Variants in DGKD observed in about 807,000 individuals in gnomAD.
DGKD encodes DAG kinase delta.
In DGKD, 68 loss-of-function variants were observed where a neutral mutation model predicts 154.4. The ratio of observed to expected loss-of-function variants is 0.44; its 90% CI spans 0.36 to 0.54. The LOEUF (loss-of-function observed/expected upper bound fraction) is 0.54. Ranked by LOEUF, DGKD falls within the 20% of genes least tolerant of loss-of-function variation. The pLI is 0.00. For missense variants in DGKD, 1,343 were observed against 1,593.6 expected (o/e 0.84, Z 2.68); for synonymous variants, 693 against 638.0 (o/e 1.09, Z -1.30).
chr2:233,421,932 A>T (rs1239741895), intron 3 of DGKD, among the ~76,000 whole-genome samples: 1 of 152,268 alleles, frequency 6.6e-6, no homozygotes, highest in Non-Finnish European at 1.5e-5. Flanking sequence ...TGATGAAGAT[A>T]GCACAGGAGA....
intron 3 of DGKD, among the ~76,000 whole-genome samples, chr2:233,397,814 G>A (rs2061457028): frequency 6.6e-6 from 1 of 151,972 alleles, no homozygotes; most frequent in South Asian, 2.1e-4. Context: ...CTAGGGGGCA[G>A]TGGGCAGGCT....
intron 2 of DGKD, chr2:233,389,120 C>G (rs1294157948): frequency 2.0e-5 from 3 of 152,350 alleles, no homozygotes; most frequent in Non-Finnish European, 4.4e-5. Flanking sequence ...CCGCCTTGGC[C>G]TCCCAAGGTG....
At chr2:233,380,811 C>T (rs766742230) in intron 1 of DGKD, among the ~76,000 whole-genome samples, 6 of 152,238 alleles carry the variant, frequency 3.9e-5, no homozygotes, top group Middle Eastern at 3.4e-3. Flanking sequence ...GCATACACAT[C>T]GTTGCCACTT....
chr2:233,462,145 GC>G (rs904241728), intron 24 of DGKD, among the ~76,000 whole-genome samples: 1 of 152,214 alleles, frequency 6.6e-6, no homozygotes, highest in Non-Finnish European at 1.5e-5. Flanking sequence ...TCTCGTGGAA[GC>G]CCTCCCATTT....
At position 233,469,427 on chromosome 2, in the gene DGKD, G is replaced by A; in HGVS notation, c.3612G>A (p.Glu1204=). ...AGAGGATCCTGTGTGGCATCAAGGAGCTGAGCCGCAGCGCCCCCGCCGTCG... is the reference window on the plus strand; with the variant it reads ...AGAGGATCCTGTGTGGCATCAAGGAACTGAGCCGCAGCGCCCCCGCCGTCG... ...HMKRILCGIK[E]LSRSAPAVEA The change falls in exon 30 of 30, where the codon GAG becomes GAA. Residue 1204 remains glutamate, a synonymous_variant. Transcript: ENST00000264057. The A allele has an allele frequency of 6.2e-7, 1 of 1,608,248 alleles. No homozygotes were observed. The highest frequency in any genetic ancestry group is 1.1e-5 in the South Asian group (1 of 89,950).
At position 233,388,379 on chromosome 2, in the gene DGKD, T is replaced by C. The variant is rs1703331379; in HGVS notation, c.267+12T>C. Reference sequence around the variant, plus strand: ...CCAAAACGGCAAAGGTGAGGCCCCATGCAGGAAAGCACACGCGAGGACATC... The same window carrying C: ...CCAAAACGGCAAAGGTGAGGCCCCACGCAGGAAAGCACACGCGAGGACATC... On this transcript the variant is annotated intron_variant, in intron 2 of 29. Coordinates refer to ENST00000264057, the MANE Select transcript of DGKD (RefSeq NM_152879.3). 2 of 1,609,544 alleles carry C rather than the reference T, an allele frequency of 1.2e-6. No homozygotes were observed. The highest frequency in any genetic ancestry group is 1.7e-5 in the Admixed American group (1 of 59,104).
chr2:233,374,357 C>T (rs938133935), intron 1 of DGKD, among the ~76,000 whole-genome samples: 3 of 146,604 alleles, frequency 2.0e-5, no homozygotes, highest in Non-Finnish European at 3.0e-5. Context: ...GGCCTTGACA[C>T]GGGGTCTCGC....
chr2:233,366,251 TCG>T (rs1702022283), intron 1 of DGKD, among the ~76,000 whole-genome samples: 1 of 152,136 alleles, frequency 6.6e-6, no homozygotes, highest in African/African-American at 2.4e-5. Flanking sequence ...CCTAATTGGA[TCG>T]TGGTTGAAAA....
rs2062674385 is a variant in DGKD at position 233,435,867 on chromosome 2, C to T, written c.636C>T (p.Asn212=). The stretch of plus-strand genomic sequence containing the variant: ...GCTGTGCTGTGCGTGCAACCAATAA[C>T]TGCAAGTGGACCACACTGGCCTCGA... ...HKRCAVRATN[N]CKWTTLASIG... The change falls in exon 6 of 30, where the codon AAC becomes AAT. Residue 212 remains asparagine, a synonymous_variant. Transcript: ENST00000264057. The T allele has an allele frequency of 6.2e-7, 1 of 1,612,492 alleles. No individual in the cohort carries two copies. The highest frequency in any genetic ancestry group is 1.3e-5 in the African/African-American group (1 of 74,804).
In DGKD at chr2:233,448,092, G is replaced by A. The variant is rs1414592515; in HGVS notation, c.1425G>A (p.Gln475=). 1 of 1,613,954 alleles carries A rather than the reference G, an allele frequency of 6.2e-7. No homozygotes were observed. The highest frequency in any genetic ancestry group is 8.5e-7 in the Non-Finnish European group (1 of 1,180,034). Residue 475 remains glutamine, a synonymous_variant, in exon 13 of 30, where the codon CAG becomes CAA. Coordinates refer to ENST00000264057, the MANE Select transcript of DGKD (RefSeq NM_152879.3). The part of the protein sequence containing the change: ...TEDFSEDSEV[Q]QILFYEDSVA... ...GCCATTTGGGGTGATTGCAGGTACA[G>A]CAGATTCTCTTCTATGAAGACTCGG...
intron 24 of DGKD, 144 bp downstream of exon 24, chr2:233,460,489 T>A: frequency 9.2e-7 from 1 of 1,089,610 alleles, no homozygotes; most frequent in Non-Finnish European, 1.3e-6. Context: ...CCTGTTTATG[T>A]GCCCTCAGCT....
chr2:233,384,812 G>A (rs1001309418), intron 1 of DGKD, among the ~76,000 whole-genome samples: 6 of 152,046 alleles, frequency 3.9e-5, no homozygotes, highest in African/African-American at 1.4e-4. Context: ...GTATTTCTGA[G>A]CCACCACCGG....
At chr2:233,385,960 ACT>A (rs1335908416) in intron 1 of DGKD, 3 of 470,408 alleles carry the variant, frequency 6.4e-6, no homozygotes, top group Non-Finnish European at 1.3e-5. Flanking sequence ...AAGATCGCAG[ACT>A]CTCATCCGCC....
At chr2:233,357,582 G>T (rs1436062600) in intron 1 of DGKD, among the ~76,000 whole-genome samples, 1 of 146,524 alleles carries the variant, frequency 6.8e-6, no homozygotes, top group Non-Finnish European at 1.5e-5. Flanking sequence ...TTGTCACCCA[G>T]GCTGGAGTGC....
intron 16 of DGKD, 39 bp downstream of exon 16, chr2:233,450,170 G>A (rs200532433): frequency 6.4e-7 from 1 of 1,564,644 alleles, no homozygotes; most frequent in African/African-American, 1.4e-5. Flanking sequence ...ACCGTCGTGT[G>A]CTTGGTTTTG....
chr2:233,363,510 A>G (rs1423994657), intron 1 of DGKD, among the ~76,000 whole-genome samples: 1 of 152,234 alleles, frequency 6.6e-6, no homozygotes, highest in African/African-American at 2.4e-5. Context: ...TTAATTTGTT[A>G]TTGAAGAAAG....
chr2:233,363,760 G>A (rs888948979), intron 1 of DGKD, among the ~76,000 whole-genome samples: 2 of 152,160 alleles, frequency 1.3e-5, no homozygotes, highest in Admixed American at 6.5e-5. Context: ...GTTATATTTA[G>A]ATACGCAAAT....
At position 233,381,816 on chromosome 2, in the gene DGKD, GTC is replaced by G. The variant is rs139633252; in HGVS notation, c.157-6435_157-6434del. On this transcript the variant is annotated intron_variant, in intron 1 of 29. Transcript: ENST00000264057. ...GTTGTTCAACCGGGCAAGTTACTCAGTCTCTCTGTTTACCAGTTTTCTTATTT... is the reference window on the plus strand; with the variant it reads ...GTTGTTCAACCGGGCAAGTTACTCAGTCTCTGTTTACCAGTTTTCTTATTT... 3.4e-3 allele frequency among the ~76,000 whole-genome samples: 512 copies of G among 152,340 alleles called. 3 individuals carry two copies. Among genetic ancestry groups the G allele is most frequent in the African/African-American group, 0.012 (483 of 41,576 alleles).
intron 3 of DGKD, among the ~76,000 whole-genome samples, chr2:233,391,668 T>C (rs180676929): frequency 1.0e-3 from 152 of 152,348 alleles, no homozygotes; most frequent in African/African-American, 3.6e-3. Context: ...ATTATTCTTT[T>C]ATAATTCAGT....
Sources: gnomAD v4.1 joint callset for allele counts (sites outside exome capture counted in the v4.1 genomes callset) on GRCh38, gnomAD v4.1.1 for gene constraint, MANE v1.5 for transcripts, NCBI Gene and HGNC (gene_info 2026-07-23, HGNC 2026-07-21) for gene names.